The following NVL variants were observed in gnomAD, a reference collection of about 807,000 sequenced individuals.
NVL encodes nuclear valosin-containing protein-like.
A neutral mutation model predicts 110.2 loss-of-function variants in NVL; 84 were observed. The observed-to-expected ratio is 0.76, with a 90% CI of 0.64 to 0.91. The LOEUF (loss-of-function observed/expected upper bound fraction) is 0.91, where lower values mean the gene tolerates loss of function less well. Ranked by LOEUF, NVL falls within the 40% of genes least tolerant of loss-of-function variation. The pLI is 0.00. For missense variants in NVL, 882 were observed against 1,035.9 expected (o/e 0.85, Z 2.04); for synonymous variants, 354 against 361.1 (o/e 0.98, Z 0.22).
intron 16 of NVL, among the ~76,000 whole-genome samples, chr1:224,276,919 TAAAACTAGTTTTATGACAC>T (rs1665819159): frequency 2.5e-4 from 2 of 7,978 alleles, no homozygotes; most frequent in African/African-American, 1.1e-3. Context: ...CTTTGACACA[TAAAACTAGTTTTATGACAC>T]ATAAAACTAG....
At chr1:224,318,652 C>A (rs973796211) in intron 2 of NVL, among the ~76,000 whole-genome samples, 3 of 151,640 alleles carry the variant, frequency 2.0e-5, no homozygotes, top group African/African-American at 7.3e-5. Context: ...GTTACAGACC[C>A]TTCGTCTCAA....
At chr1:224,324,492 A>G (rs1235014996) in intron 2 of NVL, among the ~76,000 whole-genome samples, 4 of 152,202 alleles carry the variant, frequency 2.6e-5, no homozygotes, top group Non-Finnish European at 5.9e-5. Flanking sequence ...GCACTGGTGC[A>G]ATCATAGCTC....
intron 12 of NVL, among the ~76,000 whole-genome samples, chr1:224,291,770 T>C (rs142189581): frequency 6.6e-4 from 100 of 152,344 alleles, no homozygotes; most frequent in African/African-American, 2.3e-3. Flanking sequence ...AGCCAAAGCA[T>C]TGTCAGTTGG....
chr1:224,304,151 G>C (rs898419752), intron 8 of NVL, among the ~76,000 whole-genome samples: 4 of 152,200 alleles, frequency 2.6e-5, no homozygotes, highest in Admixed American at 6.5e-5. Flanking sequence ...TTACGGCCAG[G>C]CATGGTGGCT....
At chr1:224,233,391 G>A in intron 20 of NVL, 102 bp from the exon 21 acceptor site, 1 of 740,478 alleles carries the variant, frequency 1.4e-6, no homozygotes, top group Non-Finnish European at 2.0e-6. Flanking sequence ...TAAATAATCA[G>A]GAGAAAAAGT....
At chr1:224,320,960 G>T (rs574694556) in intron 2 of NVL, among the ~76,000 whole-genome samples, 1 of 152,226 alleles carries the variant, frequency 6.6e-6, no homozygotes, top group African/African-American at 2.4e-5. Context: ...CATTTAAAAA[G>T]GCAACTTGGG....
intron 2 of NVL, among the ~76,000 whole-genome samples, chr1:224,319,421 C>A (rs889584846): frequency 3.9e-5 from 6 of 151,916 alleles, no homozygotes; most frequent in African/African-American, 1.4e-4. Flanking sequence ...CATTCTCCTG[C>A]CTCAGCCTCC....
intron 16 of NVL, among the ~76,000 whole-genome samples, chr1:224,276,613 T>C (rs916584894): frequency 1.1e-4 from 17 of 152,126 alleles, no homozygotes; most frequent in Admixed American, 3.9e-4. Flanking sequence ...AGGCAAAGAG[T>C]ACCACAGACG....
At chr1:224,285,565 G>C (rs917766420) in intron 15 of NVL, among the ~76,000 whole-genome samples, 1 of 152,138 alleles carries the variant, frequency 6.6e-6, no homozygotes, top group African/African-American at 2.4e-5. Flanking sequence ...TGAAATAATA[G>C]TAGTAGGTGG....
chr1:224,281,213 A>G lies in NVL; in HGVS notation c.1900-28T>C, dbSNP rs763789296. ...AGCAAGAGGAAACAAAAAGACACAA[A>G]TAAGACCAATACACAGTAATAATAA... On this transcript the variant is annotated intron_variant, in intron 15 of 22. Coordinates refer to ENST00000281701, the MANE Select transcript of NVL (RefSeq NM_002533.4). The G allele has an allele frequency of 5.0e-5, 77 of 1,550,910 alleles. No homozygotes were observed. The Middle Eastern group carries it at 2.0e-3, about 41-fold the overall frequency.
chr1:224,239,030 A>T (rs73128429), intron 19 of NVL, among the ~76,000 whole-genome samples: 1,783 of 152,286 alleles, frequency 0.012, 36 homozygotes, highest in African/African-American at 0.041. Flanking sequence ...ATTGTACTTC[A>T]TAGTTCTATG....
At chr1:224,319,388 G>C (rs1420063444) in intron 2 of NVL, among the ~76,000 whole-genome samples, 2 of 151,570 alleles carry the variant, frequency 1.3e-5, no homozygotes, top group Non-Finnish European at 2.9e-5. Flanking sequence ...GCTCACTGCA[G>C]ACTCCGCTTC....
chr1:224,261,790 A>C (rs1166734022), intron 18 of NVL, among the ~76,000 whole-genome samples: 1 of 151,804 alleles, frequency 6.6e-6, no homozygotes, highest in Non-Finnish European at 1.5e-5. Context: ...CATCTCTACA[A>C]AAAAGTTTTT....
chr1:224,325,977 TG>T (rs1671105957), intron 2 of NVL, among the ~76,000 whole-genome samples: 1 of 151,918 alleles, frequency 6.6e-6, no homozygotes, highest in African/African-American at 2.4e-5. Flanking sequence ...TTTGTACAGA[TG>T]GGGTTTCACC....
intron 10 of NVL, among the ~76,000 whole-genome samples, chr1:224,299,041 A>G (rs1459056771): frequency 2.0e-5 from 3 of 152,228 alleles, no homozygotes; most frequent in Admixed American, 2.0e-4. Flanking sequence ...CAGTTACTCA[A>G]TGGTTAGGAG....
At chr1:224,326,144 T>C (rs1671123573) in intron 2 of NVL, among the ~76,000 whole-genome samples, 1 of 152,166 alleles carries the variant, frequency 6.6e-6, no homozygotes, top group Non-Finnish European at 1.5e-5. Flanking sequence ...CATCTCTATC[T>C]CTTGACCAGA....
At chr1:224,241,270 G>T (rs1447236819) in intron 19 of NVL, among the ~76,000 whole-genome samples, 1 of 152,074 alleles carries the variant, frequency 6.6e-6, no homozygotes, top group Admixed American at 6.6e-5. Flanking sequence ...GAACTAAAAT[G>T]AATTCTATTT....
intron 16 of NVL, 118 bp downstream of exon 16, chr1:224,281,005 C>A: frequency 2.2e-6 from 2 of 925,538 alleles, no homozygotes; most frequent in East Asian, 4.9e-5. Context: ...TCCTACAGCA[C>A]TGATTTTAAA....
rs370313844 is a variant in NVL, at chr1:224,300,447, T to G, written c.1062+115A>C. The G allele has an allele frequency of 2.0e-5, 12 of 608,612 alleles. No individual in the cohort carries two copies. The African/African-American group carries it at 2.2e-4, about 11-fold the overall frequency. The allele number at this position is 608,612 out of a possible 1,614,324, so 37.7% of individuals were successfully genotyped here. A position where few individuals can be genotyped will look rare whatever the true frequency, so the allele number is the denominator to read the frequency against. ...TGCATAGCAAATTACCATGTTTATA[T>G]TAATAAAAGAATGGCCAGTGAGTGG... is the stretch of plus-strand genomic sequence containing the variant. On this transcript the variant is annotated intron_variant, in intron 10 of 22. Coordinates refer to ENST00000281701, the MANE Select transcript of NVL (RefSeq NM_002533.4).
Sources: allele counts gnomAD v4.1 joint callset (sites outside exome capture counted in the v4.1 genomes callset), GRCh38; gene constraint gnomAD v4.1.1; transcripts MANE v1.5; gene names NCBI Gene and HGNC (gene_info 2026-07-23, HGNC 2026-07-21).